The following MGA variants were observed in gnomAD, a reference collection of about 807,000 sequenced individuals.
MGA encodes MAX dimerization protein MGA.
A neutral mutation model predicts 261.1 loss-of-function variants in MGA; 40 were observed. The ratio of observed to expected loss-of-function variants is 0.15; its 90% CI spans 0.12 to 0.20. The LOEUF is 0.20. Among genes scored for constraint, MGA ranks in the 10% least tolerant of loss-of-function variants. The pLI is 1.00. For missense variants in MGA, 3,397 were observed against 3,630.5 expected (o/e 0.94, Z 1.65); for synonymous variants, 1,302 against 1,290.6 (o/e 1.01, Z -0.19).
At chr15:41,730,675 T>A (rs1198673018) in intron 11 of MGA, among the ~76,000 whole-genome samples, 3 of 152,152 alleles carry the variant, frequency 2.0e-5, no homozygotes, top group African/African-American at 7.2e-5. Flanking sequence ...AATAAAGACA[T>A]ATGTGCACAC....
intron 11 of MGA, among the ~76,000 whole-genome samples, chr15:41,730,324 A>G (rs1343008317): frequency 1.3e-5 from 2 of 152,018 alleles, no homozygotes; most frequent in Non-Finnish European, 2.9e-5. Flanking sequence ...CTGTAATCCC[A>G]GCTATTCGGG....
intron 9 of MGA, among the ~76,000 whole-genome samples, chr15:41,724,487 A>G (rs1445794157): frequency 1.3e-5 from 2 of 152,226 alleles, no homozygotes; most frequent in Non-Finnish European, 2.9e-5. Flanking sequence ...GCATAAATGA[A>G]TATTGGTGTC....
chr15:41,756,854 A>G (rs2063178567), intron 18 of MGA, among the ~76,000 whole-genome samples: 1 of 152,090 alleles, frequency 6.6e-6, no homozygotes, highest in Non-Finnish European at 1.5e-5. Context: ...TTGGCCTCCT[A>G]AAGTTCTGGG....
chr15:41,708,406 C>T (rs1199073194), intron 7 of MGA, among the ~76,000 whole-genome samples, 198 bp downstream of exon 7: 1 of 152,100 alleles, frequency 6.6e-6, no homozygotes, highest in African/African-American at 2.4e-5. Flanking sequence ...CAACCTCCAC[C>T]TCCCAGGTTC....
At chr15:41,722,340 A>G (rs1192922942) in intron 9 of MGA, among the ~76,000 whole-genome samples, 1 of 152,076 alleles carries the variant, frequency 6.6e-6, no homozygotes, top group Non-Finnish European at 1.5e-5. Flanking sequence ...CATGTTAGCC[A>G]AGATGGTCTC....
chr15:41,678,194 G>A (rs185897439), intron 2 of MGA, among the ~76,000 whole-genome samples: 6 of 150,904 alleles, frequency 4.0e-5, no homozygotes, highest in African/African-American at 1.2e-4. Flanking sequence ...AGGTTCAAGC[G>A]ATTCTCCTGC....
chr15:41,666,560 C>T (rs1381305655), intron 1 of MGA, among the ~76,000 whole-genome samples: 1 of 152,176 alleles, frequency 6.6e-6, no homozygotes, highest in Non-Finnish European at 1.5e-5. Flanking sequence ...CAAACCTGCA[C>T]GTGTTCTCCC....
chr15:41,686,527 T>TA (rs572698518), intron 2 of MGA, among the ~76,000 whole-genome samples: 6,396 of 151,256 alleles, frequency 0.042, 181 homozygotes, highest in Non-Finnish European at 0.063. Flanking sequence ...GATGCTGTCT[T>TA]AAAAAAAAAA....
chr15:41,651,910 C>T (rs1320189877), intron 1 of MGA, among the ~76,000 whole-genome samples: 1 of 100,516 alleles, frequency 9.9e-6, no homozygotes, highest in Admixed American at 1.1e-4. Flanking sequence ...CTCCCTTTCC[C>T]TTCTCCACTC....
chr15:41,659,031 G>T (rs535487323), upstream of MGA, among the ~76,000 whole-genome samples: 8 of 152,318 alleles, frequency 5.3e-5, no homozygotes, highest in South Asian at 1.7e-3. Context: ...TGACAGGGCA[G>T]CTTGTAGGAA....
rs763664608 is a variant in MGA, at chr15:41,766,229, C to T, written c.8147C>T (p.Thr2716Met). Residue 2716 changes from threonine to methionine, a missense_variant, in exon 24 of 24, where the codon ACG becomes ATG. By Grantham distance (81) the Thr-to-Met change is moderately conservative. Coordinates refer to ENST00000219905, the MANE Select transcript of MGA (RefSeq NM_001164273.2). ...GATGGCAGAGTGACGTTGGGTCCAA[C>T]GCAGGTTTTTCTGGCAAACAAAGAT... 3.6e-5 allele frequency: 58 copies of T among 1,613,784 alleles called. No homozygotes were observed. Among genetic ancestry groups the T allele is most frequent in the East Asian group, 1.1e-4 (5 of 44,894 alleles).
At chr15:41,761,571 A>G (rs2063460958) in intron 20 of MGA, among the ~76,000 whole-genome samples, 168 bp from the exon 21 acceptor site, 1 of 152,262 alleles carries the variant, frequency 6.6e-6, no homozygotes, top group Non-Finnish European at 1.5e-5. Context: ...ATCCTCTTAC[A>G]GTTTAACAAA....
chr15:41,769,575 C>G lies in MGA; in HGVS notation c.*2295C>G, dbSNP rs2063952461. 1 of 152,362 alleles carries G rather than the reference C, an allele frequency of 6.6e-6. No individual in the cohort carries two copies. Among genetic ancestry groups the G allele is most frequent in the South Asian group, 2.1e-4 (1 of 4,812 alleles). The allele number at this position is 152,362 out of a possible 1,614,324, so 9.4% of individuals were successfully genotyped here. A position where few individuals can be genotyped will look rare whatever the true frequency, so the allele number is the denominator to read the frequency against. On this transcript the variant is annotated 3_prime_UTR_variant, in exon 24 of 24. Transcript: ENST00000219905. ...CAGAAATCTAAAATCTCCAAAAACTCCTACCCTTTAACCTTACCCTAGGGG... is the reference window on the plus strand; with the variant it reads ...CAGAAATCTAAAATCTCCAAAAACTGCTACCCTTTAACCTTACCCTAGGGG...
chr15:41,761,706 C>G, intron 20 of MGA, 33 bp from the exon 21 acceptor site: 1 of 1,370,222 alleles, frequency 7.3e-7, no homozygotes, highest in Non-Finnish European at 1.0e-6. Flanking sequence ...AAGAGTGGAT[C>G]AATTTTCAAT....
chr15:41,736,844 T>C, intron 13 of MGA, 146 bp downstream of exon 13: 1 of 955,562 alleles, frequency 1.0e-6, no homozygotes, highest in Non-Finnish European at 1.5e-6. Context: ...CTTTTTGTAA[T>C]AGGCCTAGTT....
chr15:41,710,581 A>G, intron 7 of MGA, 110 bp from the exon 8 acceptor site: 4 of 1,094,480 alleles, frequency 3.7e-6, no homozygotes, highest in Non-Finnish European at 5.1e-6. Context: ...GATAGTTTAG[A>G]AGATTCACTA....
chr15:41,626,215 C>T (rs997351344), intron 1 of MGA, among the ~76,000 whole-genome samples: 4 of 151,302 alleles, frequency 2.6e-5, no homozygotes, highest in African/African-American at 9.7e-5. Context: ...AAATATCAAA[C>T]GTAAGCTAAT....
rs1347561388 is a variant in MGA at position 41,768,423 on chromosome 15, A to C, written c.*1143A>C. 1 of 152,636 alleles carries C rather than the reference A, an allele frequency of 6.6e-6. No homozygotes were observed. The highest frequency in any genetic ancestry group is 6.5e-5 in the Admixed American group (1 of 15,276). The allele number at this position is 152,636 out of a possible 1,614,324, so 9.5% of individuals were successfully genotyped here. ...GTATAGTTGTTTTCATAGATTTCTC[A>C]AAGGCTGAAGTTTTCAACCTAGAAG... On this transcript the variant is annotated 3_prime_UTR_variant, in exon 24 of 24. Coordinates refer to ENST00000219905, the MANE Select transcript of MGA (RefSeq NM_001164273.2).
chr15:41,699,739 A>G (rs1475210717), intron 5 of MGA, among the ~76,000 whole-genome samples: 5 of 152,098 alleles, frequency 3.3e-5, no homozygotes, highest in African/African-American at 1.2e-4. Context: ...TGACCTTGTG[A>G]TCCGCCCGCC....
Sources: allele counts gnomAD v4.1 joint callset (sites outside exome capture counted in the v4.1 genomes callset), GRCh38; gene constraint gnomAD v4.1.1; transcripts MANE v1.5; gene names NCBI Gene and HGNC (gene_info 2026-07-23, HGNC 2026-07-21).